MLLT6: variants seen among roughly 807,000 people sequenced by gnomAD.
MLLT6 encodes MLLT6, PHD finger containing, also known as protein AF-17.
A neutral mutation model predicts 103.0 loss-of-function variants in MLLT6; 22 were observed. The observed-to-expected ratio is 0.21, with a 90% CI of 0.15 to 0.31. The LOEUF is 0.31. Among genes scored for constraint, MLLT6 ranks in the 10% least tolerant of loss-of-function variants. The pLI is 1.00. For missense variants in MLLT6, 1,199 were observed against 1,441.7 expected, an observed-to-expected ratio of 0.83 and a Z score of 2.73; for synonymous variants, 606 against 623.5, an observed-to-expected ratio of 0.97 and a Z score of 0.42.
intron 4 of MLLT6, 43 bp downstream of exon 4, chr17:38,707,915 C>A: frequency 1.7e-6 from 2 of 1,189,568 alleles, no homozygotes; most frequent in Non-Finnish European, 2.5e-6. Context: ...TCCCTCCCAT[C>A]TATGGGTTCC....
Position 38,709,572 on chromosome 17 carries a change from G to A in MLLT6, c.549G>A (p.Lys183=), listed in dbSNP as rs1905070778. The A allele has an allele frequency of 6.2e-7, 1 of 1,612,502 alleles. No homozygotes were observed. The highest frequency in any genetic ancestry group is 2.2e-5 in the East Asian group (1 of 44,884). Residue 183 remains lysine, a synonymous_variant, in exon 6 of 20, where the codon AAG becomes AAA. Transcript: ENST00000621332. This position sits in a 1 kb window ranked among gnomAD's most constrained non-coding sequence, Gnocchi z 4.3. ...YCGYCKYHFS[K]MKTSRHSSGG... ...GCTACTGCAAATACCACTTCAGCAA[G>A]ATGGTGAGTCCTGGCGACCAGCGCA... is the stretch of plus-strand genomic sequence containing the variant.
At chr17:38,707,420 T>C in intron 2 of MLLT6, 66 bp from the exon 3 acceptor site, 1 of 1,521,702 alleles carries the variant, frequency 6.6e-7, no homozygotes, top group Non-Finnish European at 9.1e-7. Flanking sequence ...TGGGACCCCT[T>C]GAACGTGTTC....
Position 38,726,891 on chromosome 17 carries a change from AGGGTAGAGT to A in MLLT6, c.*1297_*1305del, listed in dbSNP as rs201716554. On this transcript the variant is annotated 3_prime_UTR_variant, in exon 20 of 20. Transcript: ENST00000621332. ...CCCCTCACCCACCAGCTATTTCCCCAGGGTAGAGTGGGCAATTCTCACCTTCAAAGAGTC... is the reference window on the plus strand; with the variant it reads ...CCCCTCACCCACCAGCTATTTCCCCAGGGCAATTCTCACCTTCAAAGAGTC... The A allele has an allele frequency of 7.0e-4, 164 of 233,152 alleles. 1 individual carries two copies. In the East Asian group the frequency reaches 9.7e-3, roughly 14 times the overall value. 14.4% of individuals were successfully genotyped at this position (233,152 alleles called of 1,614,324 possible).
At chr17:38,720,155 T>C in intron 14 of MLLT6, 3 of 688,422 alleles carry the variant, frequency 4.4e-6, no homozygotes, top group Non-Finnish European at 7.2e-6. Context: ...TCCTGACCCG[T>C]GTGGCCTCGA....
rs573787583 is a variant in MLLT6, at chr17:38,725,814, G to A, written c.*216G>A. The A allele has an allele frequency of 2.6e-5, 13 of 508,992 alleles. No homozygotes were observed. Among genetic ancestry groups the A allele is most frequent in the South Asian group, 1.9e-4 (6 of 31,292 alleles). 31.5% of individuals were successfully genotyped at this position (508,992 alleles called of 1,614,324 possible). ...GCCCCCTTCCCTTTCCGCACTGTCC[G>A]CTTTGTGAGGCTCAGAGGAAGGACA... On this transcript the variant is annotated 3_prime_UTR_variant, in exon 20 of 20. Transcript: ENST00000621332.
At chr17:38,717,318 T>C in intron 10 of MLLT6, 114 bp from the exon 11 acceptor site, 1 of 856,428 alleles carries the variant, frequency 1.2e-6, no homozygotes, top group Non-Finnish European at 1.8e-6. Flanking sequence ...GACTGGGGCA[T>C]GTAGCCAGAT....
At chr17:38,722,371 G>A (rs1452722956) in intron 17 of MLLT6, 144 bp downstream of exon 17, 1 of 653,776 alleles carries the variant, frequency 1.5e-6, no homozygotes, top group Non-Finnish European at 2.5e-6. Flanking sequence ...GTCACCTCTT[G>A]GCCTCTAAGG....
rs751898973 is a variant in MLLT6, at chr17:38,716,784, G to A, written c.1454G>A (p.Arg485Gln). The A allele has an allele frequency of 3.9e-5, 62 of 1,610,210 alleles. No individual in the cohort carries two copies. The South Asian group carries it at 4.4e-4, about 11-fold the overall frequency. ...RHGPGRPKGS[R>Q]NKEGTGGPAA... ...GGGCCAGGCCGTCCCAAGGGCAGCC[G>A]GAACAAGGAGGGCACTGGGGGCCCA... The change falls in exon 10 of 20, where the codon CGG (arginine) becomes CAG (glutamine). Residue 485 changes from arginine to glutamine, a missense_variant. By Grantham distance (43) the Arg-to-Gln change is conservative. Coordinates refer to ENST00000621332, the MANE Select transcript of MLLT6 (RefSeq NM_005937.4). The surrounding 1 kb of genome is among the most constrained non-coding windows in gnomAD (Gnocchi z 5.6).
rs779837924 is a variant in MLLT6 at position 38,709,602 on chromosome 17, C to G, written c.552+27C>G. 1.3e-6 allele frequency: 2 copies of G among 1,566,900 alleles called. No homozygotes were observed. Among genetic ancestry groups the G allele is most frequent in the Non-Finnish European group, 1.8e-6 (2 of 1,137,952 alleles). ...TGAGTCCTGGCGACCAGCGCATGAG[C>G]GGGTCAGTCAGCTGTGGTAAGATGG... On this transcript the variant is annotated intron_variant, in intron 6 of 19. Coordinates refer to ENST00000621332, the MANE Select transcript of MLLT6 (RefSeq NM_005937.4). This position sits in a 1 kb window ranked among gnomAD's most constrained non-coding sequence, Gnocchi z 4.3.
chr17:38,719,752 C>A lies in MLLT6; in HGVS notation c.2012C>A (p.Ser671Tyr). 2 of 1,607,784 alleles carry A rather than the reference C, an allele frequency of 1.2e-6. No homozygotes were observed. Among genetic ancestry groups the A allele is most frequent in the Non-Finnish European group, 1.7e-6 (2 of 1,175,938 alleles). ...ACCCAGGTTCCCTCTGGCCGCAGGT[C>A]CCCCATCAGCAGCCTCCCCGCACTC... Reference protein sequence around the residue: ...TSPQESLSSMSPISSLPALFD... With the variant: ...TSPQESLSSMYPISSLPALFD... Residue 671 changes from serine (S) to tyrosine (Y), a missense_variant and splice_region_variant, in exon 14 of 20, where the codon TCC (serine) becomes TAC (tyrosine). By Grantham distance (144) the Ser-to-Tyr change is moderately radical. Around this residue, in one of 7 missense-constraint regions of MLLT6, gnomAD observed 1,034 missense variants for 1,091.5 expected, o/e 0.95. Coordinates refer to ENST00000621332, the MANE Select transcript of MLLT6 (RefSeq NM_005937.4).
rs773028337 is a variant in MLLT6 at position 38,724,829 on chromosome 17, G to A, written c.3093G>A (p.Ser1031=). ...CCGCTGGAGCCCTAGTGGCTCCCTC[G>A]CTTGGCAACAACACAAGTCTCATGG... ...LLPAGALVAP[S]LGNNTSLMAA... Residue 1031 remains serine, a synonymous_variant, in exon 19 of 20, where the codon TCG becomes TCA. Transcript: ENST00000621332. The surrounding 1 kb of genome is among the most constrained non-coding windows in gnomAD (Gnocchi z 5.4). The A allele has an allele frequency of 6.3e-5, 101 of 1,594,780 alleles. No homozygotes were observed. Among genetic ancestry groups the A allele is most frequent in the Non-Finnish European group, 7.0e-5 (82 of 1,171,326 alleles).
intron 16 of MLLT6, 92 bp downstream of exon 16, chr17:38,720,839 A>G (rs188702284): frequency 9.2e-5 from 102 of 1,109,648 alleles, no homozygotes; most frequent in Middle Eastern, 2.0e-4. Flanking sequence ...AGGCTGGGCA[A>G]TGAAGTGACT....
chr17:38,722,751 T>C lies in MLLT6; in HGVS notation c.2866T>C (p.Ser956Pro). The change falls in exon 18 of 20, where the codon TCC becomes CCC. Residue 956 changes from serine (S) to proline (P), a missense_variant. Ser to Pro is a moderately conservative substitution (Grantham distance 74). Coordinates refer to ENST00000621332, the MANE Select transcript of MLLT6 (RefSeq NM_005937.4). ...CCAGCAACTCCAGCAGCTCCTGGCCTCCCCGCAGCTGACCCCGGTAATGCC... is the reference window on the plus strand; with the variant it reads ...CCAGCAACTCCAGCAGCTCCTGGCCCCCCCGCAGCTGACCCCGGTAATGCC... ...QLQQLQQLLA[S>P]PQLTPEHQTV... is the part of the protein sequence containing the mutation. 6.6e-7 allele frequency: 1 copy of C among 1,525,944 alleles called. No homozygotes were observed. The highest frequency in any genetic ancestry group is 1.1e-5 in the South Asian group (1 of 89,928). The allele number at this position is 1,525,944 out of a possible 1,614,324, so 94.5% of individuals were successfully genotyped here.
intron 4 of MLLT6, chr17:38,708,936 TTAGAATC>T: frequency 1.9e-6 from 1 of 513,658 alleles, no homozygotes; most frequent in South Asian, 3.0e-5. Context: ...TAAATACAGT[TTAGAATC>T]TAGTTCCTCA....
intron 17 of MLLT6, 44 bp from the exon 18 acceptor site, chr17:38,722,634 T>TGGGGGGGGGGGTG: frequency 1.9e-6 from 1 of 532,160 alleles, no homozygotes; most frequent in Non-Finnish European, 3.6e-6. Context: ...CCCTCCCCCA[T>TGGGGGGGGGGGTG]GGTCTGTGTG....
Position 38,722,948 on chromosome 17 carries a change from GAT to G in MLLT6, c.2883+181_2883+182del, listed in dbSNP as rs566030767. 1.5e-3 allele frequency among the ~76,000 whole-genome samples: 224 copies of G among 152,222 alleles called. 1 individual carries two copies. Among genetic ancestry groups the G allele is most frequent in the Admixed American group, 2.9e-3 (45 of 15,292 alleles). ...CATCCATGGCAGGTAAGGGGGATAA[GAT>G]CATGCCCAGGATCCCCTGGGCATTG... On this transcript the variant is annotated intron_variant, in intron 18 of 19. Transcript: ENST00000621332.
In MLLT6 at chr17:38,720,729, G is replaced by A. The variant is rs757732208; in HGVS notation, c.2424G>A (p.Ser808=). 2 of 1,613,816 alleles carry A rather than the reference G, an allele frequency of 1.2e-6. No homozygotes were observed. Among genetic ancestry groups the A allele is most frequent in the African/African-American group, 1.3e-5 (1 of 75,076 alleles). Residue 808 remains serine (S), a synonymous_variant, in exon 16 of 20, where the codon TCG becomes TCA. Coordinates refer to ENST00000621332, the MANE Select transcript of MLLT6 (RefSeq NM_005937.4). ...AGAGCAGCCTCGGCCTGGACAACTC[G>A]CTGTCCACTTCTTCTGAGGTGGGCG... is the stretch of plus-strand genomic sequence containing the variant. ...PGKSSLGLDN[S]LSTSSEDPHS... is the part of the protein sequence containing the mutation.
chr17:38,712,091 A>C (rs1205390836), intron 7 of MLLT6, 77 bp downstream of exon 7: 1 of 1,446,696 alleles, frequency 6.9e-7, no homozygotes, highest in Non-Finnish European at 9.1e-7. Flanking sequence ...AAAAGCCATC[A>C]TGAGGTGCCC....
At chr17:38,721,565 A>G (rs1334927090) in intron 16 of MLLT6, among the ~76,000 whole-genome samples, 1 of 152,184 alleles carries the variant, frequency 6.6e-6, no homozygotes, top group East Asian at 1.9e-4. Flanking sequence ...CACCCATAAA[A>G]TGAGAATAGC....
Sources: allele counts gnomAD v4.1 joint callset (sites outside exome capture counted in the v4.1 genomes callset), GRCh38; gene constraint gnomAD v4.1.1; regional missense constraint gnomAD v4.1.1; non-coding constraint Gnocchi (gnomAD v3.1); transcripts MANE v1.5; gene names NCBI Gene and HGNC (gene_info 2026-07-23, HGNC 2026-07-21).